CD1B: variants seen among roughly 807,000 people sequenced by gnomAD.
The protein encoded by CD1B is T-cell surface glycoprotein CD1b.
Under a neutral mutation model 39.8 loss-of-function variants are expected in CD1B, and 43 were observed. The ratio of observed to expected loss-of-function variants is 1.08; its 90% confidence interval spans 0.85 to 1.39. The LOEUF is 1.39. CD1B is among the 40% of genes most tolerant of loss of function. The pLI is 0.00. For missense variants in CD1B, 495 were observed against 403.8 expected, an observed-to-expected ratio of 1.23 and a Z score of -1.94; for synonymous variants, 192 against 152.5, an observed-to-expected ratio of 1.26 and a Z score of -1.91.
chr1:158,295,720 G>A, the CD1B span, among the ~76,000 whole-genome samples: 1 of 151,930 alleles, frequency 6.6e-6, no homozygotes, highest in African/African-American at 2.4e-5. Flanking sequence ...CAGGATCCCT[G>A]CCTGTCTGTA....
At chr1:158,310,897 C>T in the CD1B span, among the ~76,000 whole-genome samples, 1 of 152,112 alleles carries the variant, frequency 6.6e-6, no homozygotes, top group Non-Finnish European at 1.5e-5. Flanking sequence ...CTGTGAAGGG[C>T]AGTTTGGTGA....
chr1:158,320,170 C>T, the CD1B span, among the ~76,000 whole-genome samples: 2 of 152,236 alleles, frequency 1.3e-5, no homozygotes, highest in South Asian at 2.1e-4. Context: ...CCTCCTTGAG[C>T]TGTGGTGGGC....
chr1:158,295,986 G>A, the CD1B span, among the ~76,000 whole-genome samples: 10 of 152,124 alleles, frequency 6.6e-5, no homozygotes, highest in South Asian at 2.1e-4. Flanking sequence ...GCCTACATGC[G>A]TGCATGTACC....
the CD1B span, among the ~76,000 whole-genome samples, chr1:158,295,644 C>T: frequency 1.2e-4 from 18 of 152,206 alleles, no homozygotes; most frequent in African/African-American, 4.1e-4. Context: ...CAGAATAGGG[C>T]TACCATGATA....
At chr1:158,288,526 G>C in the CD1B span, among the ~76,000 whole-genome samples, 1 of 152,046 alleles carries the variant, frequency 6.6e-6, no homozygotes, top group African/African-American at 2.4e-5. Flanking sequence ...CATTTAGCTG[G>C]GACTACAGGC....
At chr1:158,292,280 A>G in the CD1B span, 1 of 1,614,180 alleles carries the variant, frequency 6.2e-7, no homozygotes, top group South Asian at 1.1e-5. Context: ...GCGTCACAGA[A>G]ACAGTGTATA....
chr1:158,295,851 A>G, the CD1B span, among the ~76,000 whole-genome samples: 1 of 147,140 alleles, frequency 6.8e-6, no homozygotes, highest in Non-Finnish European at 1.5e-5. Context: ...GCCTCACATC[A>G]GCATGCACCT....
Position 158,329,552 on chromosome 1 carries a change from C to T in CD1B, c.704G>A (p.Trp235Ter), listed in dbSNP as rs758384120. Reference protein sequence around the residue: ...HVSGFYPKPVWVMWMRGEQEQ... With the variant: ...HVSGFYPKPV ...CTGCTCACCCCGCATCCACATCACC[C>T]ACACGGGCTTTGGGTAGAATCCTGA... The change falls in exon 4 of 6, where the codon TGG (tryptophan) becomes TAG (stop). Residue 235 changes from tryptophan (W) to a stop codon, truncating the protein, a stop_gained. Coordinates refer to ENST00000368168, the MANE Select transcript of CD1B (RefSeq NM_001764.3). LOFTEE classifies it high-confidence loss of function. 8 of 1,614,170 alleles carry T rather than the reference C, an allele frequency of 5.0e-6. No homozygotes were observed. The highest frequency in any genetic ancestry group is 6.8e-6 in the Non-Finnish European group (8 of 1,180,038).
chr1:158,315,373 A>T, the CD1B span, among the ~76,000 whole-genome samples: 8 of 151,628 alleles, frequency 5.3e-5, no homozygotes, highest in Non-Finnish European at 1.0e-4. Flanking sequence ...ATGGTATCTC[A>T]TTGTGGTTTT....
At chr1:158,318,133 T>C in the CD1B span, among the ~76,000 whole-genome samples, 1 of 152,194 alleles carries the variant, frequency 6.6e-6, no homozygotes, top group Admixed American at 6.5e-5. Context: ...AAAAAATGTA[T>C]ATTCTGTTGA....
the CD1B span, among the ~76,000 whole-genome samples, chr1:158,307,749 C>T: frequency 6.6e-6 from 1 of 151,830 alleles, no homozygotes; most frequent in Non-Finnish European, 1.5e-5. Context: ...ATAAAGTGGG[C>T]TTCATCTTGA....
chr1:158,331,090 G>T, intron 1 of CD1B, 28 bp from the exon 2 acceptor site: 1 of 1,573,880 alleles, frequency 6.4e-7, no homozygotes, highest in Admixed American at 1.9e-5. Context: ...GCAAGATGGT[G>T]AAGATAAAGA....
the CD1B span, chr1:158,293,202 A>G: frequency 1.2e-6 from 2 of 1,602,486 alleles, no homozygotes; most frequent in South Asian, 1.1e-5. Flanking sequence ...TATCTTTCCA[A>G]TATGTGCAGG....
chr1:158,298,176 A>G, the CD1B span, among the ~76,000 whole-genome samples: 1 of 152,210 alleles, frequency 6.6e-6, no homozygotes, highest in Non-Finnish European at 1.5e-5. Context: ...TAGAGGGTTG[A>G]ATTTAATAAG....
rs1409549061 is a variant in CD1B, at chr1:158,330,844, C to A, written c.280G>T (p.Gly94Ter). ...AAGTCTTGTACTTCTCGAGCGAATC[C>A]AAAGATGTAGACTCGGAATATCTCC... ...LEEIFRVYIF[G>*]FAREVQDFAG... The change falls in exon 2 of 6, where the codon GGA (glycine) becomes TGA (stop). Residue 94 changes from glycine (G) to a stop codon, truncating the protein, a stop_gained. Transcript: ENST00000368168. LOFTEE classifies it high-confidence loss of function. 1.2e-6 allele frequency: 2 copies of A among 1,614,082 alleles called. No homozygotes were observed. Among genetic ancestry groups the A allele is most frequent in the Non-Finnish European group, 1.7e-6 (2 of 1,179,992 alleles).
the CD1B span, among the ~76,000 whole-genome samples, chr1:158,298,008 C>T: frequency 4.3e-4 from 65 of 150,098 alleles, 1 homozygote; most frequent in African/African-American, 1.6e-3. Flanking sequence ...ACCCATCTCA[C>T]ATGCAAGGAC....
At chr1:158,298,988 C>G in the CD1B span, among the ~76,000 whole-genome samples, 1 of 152,070 alleles carries the variant, frequency 6.6e-6, no homozygotes, top group South Asian at 2.1e-4. Flanking sequence ...TCCTCTGTTC[C>G]TAATTAAATA....
the CD1B span, among the ~76,000 whole-genome samples, chr1:158,317,270 C>T: frequency 1.3e-5 from 2 of 151,924 alleles, no homozygotes; most frequent in East Asian, 1.9e-4. Flanking sequence ...TGGTAGAATT[C>T]GGCTGTGAAT....
At chr1:158,313,423 A>C in the CD1B span, among the ~76,000 whole-genome samples, 1 of 151,962 alleles carries the variant, frequency 6.6e-6, no homozygotes, top group Non-Finnish European at 1.5e-5. Context: ...TGATCCTCCA[A>C]CCTCAGCCTC....
Sources: allele counts gnomAD v4.1 joint callset (sites outside exome capture counted in the v4.1 genomes callset), GRCh38; gene constraint gnomAD v4.1.1; transcripts MANE v1.5; gene names NCBI Gene and HGNC (gene_info 2026-07-23, HGNC 2026-07-21).